Variants in FHIT observed in about 807,000 individuals in gnomAD.
FHIT encodes bis(5'-adenosyl)-triphosphatase.
In FHIT, 19 loss-of-function variants were observed where a neutral mutation model predicts 17.9. That is an observed-to-expected ratio of 1.06 (90% CI 0.74 to 1.56). The LOEUF (loss-of-function observed/expected upper bound fraction) is 1.56, where lower values mean the gene tolerates loss of function less well. Among genes scored for constraint, FHIT ranks in the 40% most tolerant of loss-of-function variants. The pLI is 0.00. For missense variants in FHIT, 248 were observed against 189.2 expected, an observed-to-expected ratio of 1.31 and a Z score of -1.82; for synonymous variants, 81 against 69.7, an observed-to-expected ratio of 1.16 and a Z score of -0.81.
intron 7 of FHIT, among the ~76,000 whole-genome samples, chr3:59,975,561 C>T (rs1428086030): frequency 6.6e-6 from 1 of 151,782 alleles, no homozygotes; most frequent in Non-Finnish European, 1.5e-5. Flanking sequence ...CATTCTCTTT[C>T]TACAATTGAC....
At chr3:60,796,878 G>A (rs1700999717) in intron 4 of FHIT, among the ~76,000 whole-genome samples, 1 of 152,148 alleles carries the variant, frequency 6.6e-6, no homozygotes, top group Admixed American at 6.5e-5. Flanking sequence ...CAGATTGTAA[G>A]GTTTTGATAA....
chr3:60,923,271 G>A (rs1469157452), intron 3 of FHIT, among the ~76,000 whole-genome samples: 2 of 152,176 alleles, frequency 1.3e-5, no homozygotes, highest in Admixed American at 6.5e-5. Flanking sequence ...AGACTCTGGA[G>A]TCAAATGTTG....
chr3:60,511,881 C>A (rs923608451), intron 5 of FHIT, among the ~76,000 whole-genome samples: 2 of 151,880 alleles, frequency 1.3e-5, no homozygotes, highest in African/African-American at 4.8e-5. Flanking sequence ...TCAAATTGGG[C>A]AAATTTAATC....
chr3:60,048,437 G>A (rs1575973556), intron 5 of FHIT, among the ~76,000 whole-genome samples: 1 of 152,108 alleles, frequency 6.6e-6, no homozygotes, highest in Non-Finnish European at 1.5e-5. Context: ...CGGCCTCCCA[G>A]AGTGCTGGGA....
intron 4 of FHIT, among the ~76,000 whole-genome samples, chr3:60,630,099 C>T (rs539762833): frequency 1.3e-5 from 2 of 152,296 alleles, no homozygotes; most frequent in South Asian, 4.2e-4. Context: ...AACAGGAACC[C>T]TACCTGACTC....
intron 5 of FHIT, among the ~76,000 whole-genome samples, chr3:60,074,363 T>C (rs1489964868): frequency 1.3e-5 from 2 of 152,086 alleles, no homozygotes; most frequent in Non-Finnish European, 2.9e-5. Flanking sequence ...TCTACTTCTA[T>C]GGTATTACCT....
At chr3:60,683,373 C>T (rs886608855) in intron 4 of FHIT, among the ~76,000 whole-genome samples, 8 of 152,144 alleles carry the variant, frequency 5.3e-5, no homozygotes, top group Non-Finnish European at 1.2e-4. Flanking sequence ...TAACAAATTG[C>T]CACAGCCACT....
At chr3:60,630,647 C>T (rs182543174) in intron 4 of FHIT, among the ~76,000 whole-genome samples, 1 of 152,198 alleles carries the variant, frequency 6.6e-6, no homozygotes, top group Admixed American at 6.5e-5. Flanking sequence ...TTACGCCATC[C>T]CTGAGACTCT....
At chr3:60,006,790 TA>T (rs1467742596) in intron 7 of FHIT, among the ~76,000 whole-genome samples, 1 of 152,146 alleles carries the variant, frequency 6.6e-6, no homozygotes, top group African/African-American at 2.4e-5. Flanking sequence ...TAGACTTAAT[TA>T]AGAGATAAAA....
intron 7 of FHIT, among the ~76,000 whole-genome samples, chr3:59,951,949 C>T (rs1369726880): frequency 6.6e-6 from 1 of 152,020 alleles, no homozygotes; most frequent in Non-Finnish European, 1.5e-5. Flanking sequence ...ACTGAGCATG[C>T]CAATCTCTTT....
chr3:59,886,574 G>A lies in FHIT; in HGVS notation c.348+35772C>T, dbSNP rs373030533. 4.6e-5 allele frequency among the ~76,000 whole-genome samples: 7 copies of A among 152,222 alleles called. No homozygotes were observed. The South Asian group carries it at 1.0e-3, about 23-fold the overall frequency. On this transcript the variant is annotated intron_variant, in intron 8 of 9. Coordinates refer to ENST00000492590, the MANE Select transcript of FHIT (RefSeq NM_002012.4). ...TGTGTGCAGAGATCACATGGGGAGC[G>A]AGGAAGCAAGAGAGAAGGGAAGAGG...
At chr3:59,889,556 A>T (rs1179274600) in intron 8 of FHIT, among the ~76,000 whole-genome samples, 1 of 152,188 alleles carries the variant, frequency 6.6e-6, no homozygotes, top group Non-Finnish European at 1.5e-5. Flanking sequence ...CTTGAGAAAA[A>T]CTTACCCTCC....
chr3:60,735,291 G>A (rs781869786), intron 4 of FHIT, among the ~76,000 whole-genome samples: 6 of 152,176 alleles, frequency 3.9e-5, no homozygotes, highest in Non-Finnish European at 8.8e-5. Context: ...ATTCCTCATT[G>A]TGCTGGTACC....
intron 5 of FHIT, among the ~76,000 whole-genome samples, chr3:60,392,495 C>T (rs1034376702): frequency 2.0e-5 from 3 of 152,126 alleles, no homozygotes; most frequent in African/African-American, 7.2e-5. Context: ...GGAAGAAGGA[C>T]TGATGATTAA....
intron 1 of FHIT, among the ~76,000 whole-genome samples, chr3:61,217,601 C>A (rs2039721881): frequency 6.6e-6 from 1 of 152,132 alleles, no homozygotes; most frequent in Admixed American, 6.5e-5. Context: ...CCCACCCAGA[C>A]TAAAAGAAAG....
At chr3:60,684,726 T>C (rs1255179001) in intron 4 of FHIT, among the ~76,000 whole-genome samples, 1 of 152,134 alleles carries the variant, frequency 6.6e-6, no homozygotes, top group Non-Finnish European at 1.5e-5. Context: ...GTTCACAGAC[T>C]AGATCACCAA....
At chr3:60,654,390 C>G (rs1365396301) in intron 4 of FHIT, among the ~76,000 whole-genome samples, 2 of 152,084 alleles carry the variant, frequency 1.3e-5, no homozygotes, top group Admixed American at 1.3e-4. Flanking sequence ...ATGGGGACAT[C>G]TCAGGATGAT....
intron 5 of FHIT, among the ~76,000 whole-genome samples, chr3:60,206,878 A>T (rs1159537418): frequency 6.6e-6 from 1 of 152,132 alleles, no homozygotes; most frequent in Non-Finnish European, 1.5e-5. Context: ...CTCCAGTTGC[A>T]ATTACTATTC....
At chr3:59,777,982 T>C (rs1344860380) in intron 8 of FHIT, among the ~76,000 whole-genome samples, 1 of 152,242 alleles carries the variant, frequency 6.6e-6, no homozygotes, top group Non-Finnish European at 1.5e-5. Context: ...ACCAAATTCA[T>C]ATGCATAAAT....
Sources: allele counts gnomAD v4.1 joint callset (sites outside exome capture counted in the v4.1 genomes callset), GRCh38; gene constraint gnomAD v4.1.1; transcripts MANE v1.5; gene names NCBI Gene and HGNC (gene_info 2026-07-23, HGNC 2026-07-21).